Variants in FGF12 observed in about 807,000 individuals in gnomAD.
FGF12 encodes fibroblast growth factor 12, also known as fibroblast growth factor 12B.
A neutral mutation model predicts 23.6 loss-of-function variants in FGF12; 14 were observed. That is an observed-to-expected ratio of 0.59 (90% CI 0.39 to 0.93). FGF12 has a LOEUF of 0.93. Among genes scored for constraint, FGF12 ranks in the 40% least tolerant of loss-of-function variants. The pLI is 0.00. For synonymous variants in FGF12, 62 were observed against 77.3 expected, an observed-to-expected ratio of 0.80 and a Z score of 1.04; for missense variants, 175 against 217.8, an observed-to-expected ratio of 0.80 and a Z score of 1.24.
intron 4 of FGF12, among the ~76,000 whole-genome samples, chr3:192,279,232 A>G (rs1045260485): frequency 1.3e-4 from 6 of 47,014 alleles, no homozygotes; most frequent in Admixed American, 4.8e-4. Flanking sequence ...ATGTATGAGT[A>G]TATATATATA....
At chr3:192,482,998 T>C (rs536389383) in intron 2 of FGF12, among the ~76,000 whole-genome samples, 55 of 152,156 alleles carry the variant, frequency 3.6e-4, no homozygotes, top group Non-Finnish European at 7.1e-4. Context: ...ATAGAATTTA[T>C]AGTCTTCTAC....
At chr3:192,291,010 TTATC>T (rs1466369100) in intron 4 of FGF12, among the ~76,000 whole-genome samples, 86 of 152,260 alleles carry the variant, frequency 5.6e-4, no homozygotes, top group African/African-American at 1.9e-4. Flanking sequence ...GTGTGTGTAT[TTATC>T]TATCTATCTA....
intron 2 of FGF12, among the ~76,000 whole-genome samples, chr3:192,540,493 T>C (rs917089339): frequency 3.9e-5 from 6 of 152,160 alleles, no homozygotes; most frequent in Admixed American, 3.9e-4. Context: ...TCCACTGTGG[T>C]CACAGAAGAT....
intron 2 of FGF12, among the ~76,000 whole-genome samples, chr3:192,659,083 C>T (rs1716555434): frequency 6.6e-6 from 1 of 152,154 alleles, no homozygotes; most frequent in Non-Finnish European, 1.5e-5. Flanking sequence ...GTTTCAGCTG[C>T]TGATGCTAGA....
rs369011263 is a variant in FGF12, at chr3:192,341,938, G to A, written c.125-6474C>T. ...TAACATACAGCACTTGTAAAAACCT[G>A]ACTTAGAAGTCATTTATTCTTACCA... On this transcript the variant is annotated intron_variant, in intron 3 of 5. Coordinates refer to ENST00000445105, the MANE Select transcript of FGF12 (RefSeq NM_004113.6). Among the ~76,000 whole-genome samples, 85 of 101,700 alleles carry A rather than the reference G, an allele frequency of 8.4e-4. 1 individual carries two copies. In the South Asian group the frequency reaches 0.023, roughly 28 times the overall value. 66.7% of individuals were successfully genotyped at this position (101,700 alleles called of 152,430 possible).
intron 2 of FGF12, among the ~76,000 whole-genome samples, chr3:192,593,339 T>C (rs1196037061): frequency 2.0e-5 from 3 of 151,704 alleles, no homozygotes; most frequent in Admixed American, 2.0e-4. Flanking sequence ...CTCATGATCA[T>C]ACGTAGAATA....
At chr3:192,296,062 C>CTTTTTTT (rs34021285) in intron 4 of FGF12, among the ~76,000 whole-genome samples, 7 of 78,096 alleles carry the variant, frequency 9.0e-5, no homozygotes, top group Non-Finnish European at 1.4e-4. Context: ...GTTTTTCTTT[C>CTTTTTTT]TTTTTTTTTT....
At chr3:192,222,852 T>C (rs1718544867) in intron 4 of FGF12, among the ~76,000 whole-genome samples, 1 of 152,110 alleles carries the variant, frequency 6.6e-6, no homozygotes, top group African/African-American at 2.4e-5. Flanking sequence ...TCAGCACACT[T>C]TCATTACTTA....
chr3:192,443,152 AAGG>A (rs1722253600), intron 2 of FGF12, among the ~76,000 whole-genome samples: 1 of 152,124 alleles, frequency 6.6e-6, no homozygotes, highest in Admixed American at 6.5e-5. Flanking sequence ...AAGCTGAAAG[AAGG>A]AGTTTTATTT....
At chr3:192,711,679 T>C (rs1224745302) in intron 2 of FGF12, among the ~76,000 whole-genome samples, 7 of 152,162 alleles carry the variant, frequency 4.6e-5, no homozygotes, top group African/African-American at 1.4e-4. Context: ...ACATGTACCG[T>C]GTCCACTCAG....
chr3:192,342,855 T>C (rs959617352), intron 3 of FGF12, among the ~76,000 whole-genome samples: 1 of 152,206 alleles, frequency 6.6e-6, no homozygotes, highest in Non-Finnish European at 1.5e-5. Context: ...AAAAGTGCTA[T>C]GTTTTACTCA....
At chr3:192,258,361 G>C (rs1031602645) in intron 4 of FGF12, among the ~76,000 whole-genome samples, 18 of 152,114 alleles carry the variant, frequency 1.2e-4, no homozygotes, top group Non-Finnish European at 1.2e-4. Flanking sequence ...AGGAGGCTGA[G>C]GCAGGGGAAT....
chr3:192,692,247 T>C (rs1046296630), intron 2 of FGF12, among the ~76,000 whole-genome samples: 8 of 152,110 alleles, frequency 5.3e-5, no homozygotes, highest in African/African-American at 1.9e-4. Context: ...CTGATGAACA[T>C]CGATGCAAAA....
At chr3:192,508,666 G>C in intron 2 of FGF12, among the ~76,000 whole-genome samples, 1 of 152,188 alleles carries the variant, frequency 6.6e-6, no homozygotes, top group Non-Finnish European at 1.5e-5. Context: ...GAGTTGTAGA[G>C]TAATTGCCTT....
At chr3:192,656,280 GACACACACACACACACACAC>G (rs61645270) in intron 2 of FGF12, among the ~76,000 whole-genome samples, 3 of 110,412 alleles carry the variant, frequency 2.7e-5, no homozygotes, top group Admixed American at 1.8e-4. Context: ...AAGGTGAAAA[GACACACACACACACACACAC>G]ACACACACAC....
intron 3 of FGF12, among the ~76,000 whole-genome samples, chr3:192,358,473 GGT>G (rs10560289): frequency 0.64 from 97,469 of 151,360 alleles, 34,101 homozygotes; most frequent in East Asian, 0.93. Flanking sequence ...TGTGCCCTAT[GGT>G]GTGTGTGTGT....
At chr3:192,382,165 T>G (rs979090570) in intron 2 of FGF12, among the ~76,000 whole-genome samples, 1 of 151,974 alleles carries the variant, frequency 6.6e-6, no homozygotes, top group African/African-American at 2.4e-5. Context: ...CCCAGCTAAT[T>G]TTTTGTATTT....
intron 2 of FGF12, among the ~76,000 whole-genome samples, chr3:192,438,250 T>G (rs1345220899): frequency 6.6e-6 from 1 of 152,208 alleles, no homozygotes; most frequent in Non-Finnish European, 1.5e-5. Flanking sequence ...TCTTCTTCCT[T>G]CCTCTAACTT....
chr3:192,603,802 G>A (rs1714219369), intron 2 of FGF12, among the ~76,000 whole-genome samples: 1 of 152,158 alleles, frequency 6.6e-6, no homozygotes, highest in South Asian at 2.1e-4. Flanking sequence ...AAGGGTCTAT[G>A]CTCAGTGGTG....
Sources: gnomAD v4.1 joint callset for allele counts (sites outside exome capture counted in the v4.1 genomes callset) on GRCh38, gnomAD v4.1.1 for gene constraint, MANE v1.5 for transcripts, NCBI Gene and HGNC (gene_info 2026-07-23, HGNC 2026-07-21) for gene names.